Variants in MICAL2 observed in about 807,000 individuals in gnomAD.
MICAL2 encodes the protein [F-actin]-monooxygenase MICAL2.
In MICAL2, 77 loss-of-function variants were observed where a neutral mutation model predicts 127.3. The ratio of observed to expected loss-of-function variants is 0.60; its 90% confidence interval spans 0.50 to 0.73. MICAL2 has a LOEUF of 0.73. Ranked by LOEUF, MICAL2 falls within the 30% of genes least tolerant of loss-of-function variation. MICAL2 has a pLI of 0.00. For missense variants in MICAL2, 1,351 were observed against 1,434.4 expected, an observed-to-expected ratio of 0.94 and a Z score of 0.94; for synonymous variants, 570 against 551.1, an observed-to-expected ratio of 1.03 and a Z score of -0.48.
chr11:12,201,020 T>G (rs550335566), intron 3 of MICAL2, among the ~76,000 whole-genome samples: 46 of 152,268 alleles, frequency 3.0e-4, no homozygotes, highest in African/African-American at 1.1e-3. Flanking sequence ...ACCTCACCAG[T>G]GTCGGGGCTT....
chr11:12,196,545 C>T (rs1005464959), intron 3 of MICAL2, among the ~76,000 whole-genome samples: 2 of 152,082 alleles, frequency 1.3e-5, no homozygotes, highest in Non-Finnish European at 2.9e-5. Context: ...TGAGGAGGAG[C>T]AGCAAGGGTG....
At chr11:12,360,568 C>T (rs567475072), downstream of MICAL2, among the ~76,000 whole-genome samples, 4 of 152,322 alleles carry the variant, frequency 2.6e-5, no homozygotes, top group East Asian at 7.7e-4. Context: ...TCCTTTGATG[C>T]CTGCATACAC....
Position 12,132,845 on chromosome 11 carries a change from T to C in MICAL2, c.-148-5545T>C, listed in dbSNP as rs444290. On this transcript the variant is annotated intron_variant, in intron 1 of 27. Transcript: ENST00000683283. Reference sequence around the variant, plus strand: ...TACCACTTCCATCTTGGCTGTGTGTTCTTTTGTACCAACTGATGCTTGTAT... The same window carrying C: ...TACCACTTCCATCTTGGCTGTGTGTCCTTTTGTACCAACTGATGCTTGTAT... Among the ~76,000 whole-genome samples the C allele has an allele frequency of 1.1e-4, 17 of 152,372 alleles. No individual in the cohort carries two copies. The South Asian group carries it at 3.5e-3, about 32-fold the overall frequency.
chr11:12,137,135 G>A (rs1380417226), intron 1 of MICAL2, among the ~76,000 whole-genome samples: 1 of 152,250 alleles, frequency 6.6e-6, no homozygotes, highest in African/African-American at 2.4e-5. Flanking sequence ...CTGATAGAAT[G>A]TGGCCCAGGC....
chr11:12,357,178 T>C (rs1939142242), intron 34 of MICAL2, among the ~76,000 whole-genome samples: 1 of 152,156 alleles, frequency 6.6e-6, no homozygotes, highest in Admixed American at 6.5e-5. Context: ...TGGCACCCTC[T>C]CTACTCTGGG....
At chr11:12,291,970 G>T (rs766756236), downstream of MICAL2, among the ~76,000 whole-genome samples, 3 of 152,176 alleles carry the variant, frequency 2.0e-5, no homozygotes, top group Admixed American at 2.0e-4. Context: ...CCCTGCCACT[G>T]CTCTACCCAT....
intron 12 of MICAL2, chr11:12,224,429 G>A (rs1011006302): frequency 7.9e-6 from 4 of 505,786 alleles, no homozygotes; most frequent in East Asian, 3.1e-5. Flanking sequence ...CCTAAACACA[G>A]TAGGTCTTAG....
intron 4 of MICAL2, chr11:12,207,760 TGTCGCCTTGAGCAA>T (rs1854907446): frequency 8.4e-6 from 3 of 359,062 alleles, no homozygotes. Flanking sequence ...CTTTGCTCTG[TGTCGCCTTGAGCAA>T]GTCATTTAAC....
intron 2 of MICAL2, among the ~76,000 whole-genome samples, chr11:12,284,114 C>A (rs1260795318): frequency 2.0e-5 from 3 of 152,182 alleles, no homozygotes; most frequent in East Asian, 1.9e-4. Context: ...ACCCAAGCAA[C>A]TAAATGAATC....
intron 1 of MICAL2, among the ~76,000 whole-genome samples, chr11:12,113,454 G>A (rs1484387564): frequency 6.6e-6 from 1 of 152,242 alleles, no homozygotes; most frequent in Non-Finnish European, 1.5e-5. Context: ...TTTGAGTGTG[G>A]AGAATTAAAT....
rs1192829783 is a variant in MICAL2, at chr11:12,300,471, C to G, written c.5212+5614C>G. Among the ~76,000 whole-genome samples the G allele has an allele frequency of 2.0e-5, 3 of 152,132 alleles. No homozygotes were observed. The East Asian group carries it at 5.8e-4, about 29-fold the overall frequency. On this transcript the variant is annotated intron_variant, in intron 29 of 34. Coordinates refer to the MICAL2 transcript ENST00000646065. The stretch of plus-strand genomic sequence containing the variant: ...TGGGCCTAACTCAATCAGATGAGCC[C>G]TTAACAAGGACTTCCTGAAGTCAGA...
At chr11:12,219,192 CTG>C (rs1246716319) in intron 8 of MICAL2, among the ~76,000 whole-genome samples, 5 of 152,296 alleles carry the variant, frequency 3.3e-5, no homozygotes, top group Admixed American at 3.3e-4. Flanking sequence ...CTCCAGGTGT[CTG>C]TACTTTTTGT....
intron 1 of MICAL2, among the ~76,000 whole-genome samples, chr11:12,130,005 G>T (rs954642186): frequency 6.6e-6 from 1 of 152,144 alleles, no homozygotes; most frequent in East Asian, 1.9e-4. Flanking sequence ...GAGCCACTGC[G>T]CCCAGGCTAT....
intron 32 of MICAL2, among the ~76,000 whole-genome samples, chr11:12,346,000 T>C (rs1938948118): frequency 6.6e-6 from 1 of 152,210 alleles, no homozygotes; most frequent in Non-Finnish European, 1.5e-5. Context: ...GTCTGTCATG[T>C]AAAATATACT....
chr11:12,287,098 C>T (rs962928963), exon 3 of MICAL2: 11 of 398,828 alleles, frequency 2.8e-5, no homozygotes, highest in Admixed American at 4.4e-5. Flanking sequence ...AGCTCTGCAA[C>T]GGGCCAATAG....
chr11:12,281,361 G>A (rs1280342430), intron 2 of MICAL2, among the ~76,000 whole-genome samples: 1 of 152,302 alleles, frequency 6.6e-6, no homozygotes, highest in East Asian at 1.9e-4. Flanking sequence ...GTTGGTCACA[G>A]GCTGGCAGGG....
chr11:12,245,700 C>A (rs1399877785), intron 21 of MICAL2, among the ~76,000 whole-genome samples: 1 of 152,254 alleles, frequency 6.6e-6, no homozygotes, highest in Non-Finnish European at 1.5e-5. Flanking sequence ...GTCTGGGCCT[C>A]CTCCTCCTCA....
At chr11:12,222,861 T>A in intron 11 of MICAL2, 118 bp downstream of exon 11, 1 of 1,322,330 alleles carries the variant, frequency 7.6e-7, no homozygotes, top group Non-Finnish European at 1.0e-6. Flanking sequence ...CACCAAGGCC[T>A]GCTGGCCTAA....
chr11:12,305,665 A>AT (rs1441190592), intron 29 of MICAL2, among the ~76,000 whole-genome samples: 5 of 152,120 alleles, frequency 3.3e-5, no homozygotes, highest in South Asian at 2.1e-4. Context: ...GTACTCACCT[A>AT]TTTTTTTACC....
Sources: gnomAD v4.1 joint callset for allele counts (sites outside exome capture counted in the v4.1 genomes callset) on GRCh38, gnomAD v4.1.1 for gene constraint, MANE v1.5 for transcripts, NCBI Gene and HGNC (gene_info 2026-07-23, HGNC 2026-07-21) for gene names.